The following NOL10 variants were observed in gnomAD, a reference collection of about 807,000 sequenced individuals.
NOL10 encodes the protein nucleolar protein 10, also known as H_NH0074G24.1.
A neutral mutation model predicts 103.5 loss-of-function variants in NOL10; 58 were observed. The observed-to-expected ratio is 0.56, with a 90% CI of 0.45 to 0.70. The LOEUF (loss-of-function observed/expected upper bound fraction) is 0.70, where lower values mean the gene tolerates loss of function less well. NOL10 is among the 30% of genes least tolerant of loss of function. NOL10 has a pLI of 0.00. For synonymous variants in NOL10, 287 were observed against 282.5 expected, an observed-to-expected ratio of 1.02 and a Z score of -0.16; for missense variants, 763 against 807.3, an observed-to-expected ratio of 0.95 and a Z score of 0.67.
chr2:10,654,626 C>A, intron 11 of NOL10, 79 bp from the exon 12 acceptor site: 1 of 743,604 alleles, frequency 1.3e-6, no homozygotes, highest in South Asian at 1.7e-5. Context: ...AGCTGTAACT[C>A]AACCATCTAC....
At chr2:10,633,815 A>G (rs74885692) in intron 13 of NOL10, among the ~76,000 whole-genome samples, 2,834 of 133,046 alleles carry the variant, frequency 0.021, 141 homozygotes, top group East Asian at 0.21. Context: ...GTGTGTGTGT[A>G]TATATATATA....
intron 17 of NOL10, among the ~76,000 whole-genome samples, chr2:10,590,210 G>A (rs533995769): frequency 6.6e-6 from 1 of 152,130 alleles, no homozygotes; most frequent in Non-Finnish European, 1.5e-5. Flanking sequence ...GGGCTCAAGT[G>A]ATCCTCCCAC....
chr2:10,599,270 T>C (rs1675852740), intron 17 of NOL10, among the ~76,000 whole-genome samples: 1 of 152,236 alleles, frequency 6.6e-6, no homozygotes, highest in African/African-American at 2.4e-5. Flanking sequence ...CTAAGTTAGC[T>C]CTACTCTCTA....
chr2:10,679,114 C>T (rs1298019138), intron 3 of NOL10, among the ~76,000 whole-genome samples: 1 of 151,938 alleles, frequency 6.6e-6, no homozygotes, highest in East Asian at 1.9e-4. Flanking sequence ...AATCCCAGCA[C>T]TTTGGGAAGC....
chr2:10,648,846 A>G (rs537517709), intron 12 of NOL10, among the ~76,000 whole-genome samples: 273 of 152,294 alleles, frequency 1.8e-3, no homozygotes, highest in Non-Finnish European at 3.0e-3. Context: ...AACGTCATGG[A>G]GAAGAAAAGA....
At chr2:10,659,579 G>A (rs1019487854) in intron 9 of NOL10, among the ~76,000 whole-genome samples, 3 of 152,022 alleles carry the variant, frequency 2.0e-5, no homozygotes, top group Non-Finnish European at 4.4e-5. Context: ...AGCTACTTGG[G>A]TGGCTGAGGC....
rs149041948 is a variant in NOL10, at chr2:10,633,244, T to C, written c.1026+11076A>G. Among the ~76,000 whole-genome samples, 457 of 152,078 alleles carry C rather than the reference T, an allele frequency of 3.0e-3. 2 individuals carry two copies. The highest frequency in any genetic ancestry group is 9.8e-3 in the African/African-American group (406 of 41,504). On this transcript the variant is annotated intron_variant, in intron 13 of 20. Coordinates refer to ENST00000381685, the MANE Select transcript of NOL10 (RefSeq NM_024894.4). Reference sequence around the variant, plus strand: ...TTTATTTTACTTAGTTATTCCGTTATTTTTTTGAGACAAGTTCTCACCATG... The same window carrying C: ...TTTATTTTACTTAGTTATTCCGTTACTTTTTTGAGACAAGTTCTCACCATG...
At chr2:10,584,413 C>A (rs928353855) in intron 19 of NOL10, among the ~76,000 whole-genome samples, 1 of 152,186 alleles carries the variant, frequency 6.6e-6, no homozygotes. Context: ...TCAACAGACA[C>A]ACGTGTTTAT....
chr2:10,573,440 C>T (rs546187214), intron 20 of NOL10, among the ~76,000 whole-genome samples: 18 of 152,216 alleles, frequency 1.2e-4, no homozygotes, highest in African/African-American at 2.4e-4. Context: ...GATCCACCCA[C>T]CTTGGCCTCC....
intron 13 of NOL10, among the ~76,000 whole-genome samples, chr2:10,633,018 G>T (rs1677943638): frequency 6.6e-6 from 1 of 152,040 alleles, no homozygotes; most frequent in African/African-American, 2.4e-5. Context: ...TGAGAATCAT[G>T]ATTTCATGTT....
intron 13 of NOL10, among the ~76,000 whole-genome samples, chr2:10,622,801 C>CA (rs1390263783): frequency 1.3e-5 from 2 of 151,982 alleles, no homozygotes; most frequent in Admixed American, 6.6e-5. Context: ...ACCAGAAAAA[C>CA]AAAAGCTCAA....
rs559153532 is a variant in NOL10 at position 10,644,605 on chromosome 2, C to T, written c.974-233G>A. ...AAATTCCTAACTTTTACAAAACTGA[C>T]TGCAAAACAAAATGTCTACATTTTG... On this transcript the variant is annotated intron_variant, in intron 12 of 20. Coordinates refer to ENST00000381685, the MANE Select transcript of NOL10 (RefSeq NM_024894.4). Among the ~76,000 whole-genome samples, 6 of 152,306 alleles carry T rather than the reference C, an allele frequency of 3.9e-5. No homozygotes were observed. The South Asian group carries it at 1.0e-3, about 26-fold the overall frequency.
At chr2:10,592,365 G>T (rs1336193238) in intron 17 of NOL10, among the ~76,000 whole-genome samples, 2 of 152,136 alleles carry the variant, frequency 1.3e-5, no homozygotes, top group Non-Finnish European at 1.5e-5. Flanking sequence ...AAAACGCAGG[G>T]GTGGAGTAAA....
intron 13 of NOL10, among the ~76,000 whole-genome samples, chr2:10,625,123 G>A (rs192481013): frequency 6.6e-6 from 1 of 152,298 alleles, no homozygotes. Context: ...TTGTGGGGTG[G>A]AGGAAGGGAT....
rs1481609295 is a variant in NOL10 at position 10,659,211 on chromosome 2, A to G, written c.717T>C (p.Asn239=). The G allele has an allele frequency of 6.2e-7, 1 of 1,605,318 alleles. No individual in the cohort carries two copies. The highest frequency in any genetic ancestry group is 1.7e-5 in the Admixed American group (1 of 58,766). The change falls in exon 10 of 21, where the codon AAT becomes AAC. Residue 239 remains asparagine (N), a synonymous_variant. Transcript: ENST00000381685. Reference sequence around the variant, plus strand: ...TTCCAACTGCCATGGTCAAGGCACCATTAAATTTCAAAGCAGAGATTGTTG... The same window carrying G: ...TTCCAACTGCCATGGTCAAGGCACCGTTAAATTTCAAAGCAGAGATTGTTG... ...SLPTISALKF[N]GALTMAVGTT...
At chr2:10,682,681 T>C (rs1414509238) in intron 2 of NOL10, among the ~76,000 whole-genome samples, 1 of 151,862 alleles carries the variant, frequency 6.6e-6, no homozygotes, top group Admixed American at 6.6e-5. Flanking sequence ...ATTGCAGGAG[T>C]GAGCCACCGC....
intron 17 of NOL10, among the ~76,000 whole-genome samples, chr2:10,594,888 T>C (rs1675585886): frequency 6.6e-6 from 1 of 152,026 alleles, no homozygotes; most frequent in Non-Finnish European, 1.5e-5. Flanking sequence ...TCCCAGCTAC[T>C]TGAGAGGCTG....
At chr2:10,637,064 T>C (rs1286507145) in intron 13 of NOL10, among the ~76,000 whole-genome samples, 2 of 151,130 alleles carry the variant, frequency 1.3e-5, no homozygotes, top group African/African-American at 4.9e-5. Context: ...TAGTCAGGTG[T>C]GGTGGTGCGT....
intron 8 of NOL10, among the ~76,000 whole-genome samples, chr2:10,664,353 G>A (rs1680439107): frequency 6.6e-6 from 1 of 152,090 alleles, no homozygotes; most frequent in Non-Finnish European, 1.5e-5. Context: ...GCTTGAACCT[G>A]GGAGGCAGAC....
Sources: gnomAD v4.1 joint callset for allele counts (sites outside exome capture counted in the v4.1 genomes callset) on GRCh38, gnomAD v4.1.1 for gene constraint, MANE v1.5 for transcripts, NCBI Gene and HGNC (gene_info 2026-07-23, HGNC 2026-07-21) for gene names.